BNIP3L: variants seen among roughly 807,000 people sequenced by gnomAD.
The protein encoded by BNIP3L is BCL2 interacting protein 3 like.
BNIP3L carries 10 observed loss-of-function variants against 25.5 expected under a neutral mutation model. That is an observed-to-expected ratio of 0.39 (90% CI 0.24 to 0.67). The LOEUF is 0.67. Ranked by LOEUF, BNIP3L falls within the 30% of genes least tolerant of loss-of-function variation. BNIP3L has a pLI of 0.45. For missense variants in BNIP3L, 215 were observed against 270.9 expected, an observed-to-expected ratio of 0.79 and a Z score of 1.45; for synonymous variants, 113 against 101.2, an observed-to-expected ratio of 1.12 and a Z score of -0.70.
In BNIP3L at chr8:26,391,546, T is replaced by TGTA. The variant is rs1223611255; in HGVS notation, c.284+124_284+126dup. On this transcript the variant is annotated intron_variant, in intron 2 of 5. Transcript: ENST00000380629. ...TAGCAAAATATGCCTCCTGATATAT[T>TGTA]GTAGTATAATATATATTGCACAGAT... 1.2e-5 allele frequency: 10 copies of TGTA among 812,758 alleles called. No individual in the cohort carries two copies. The East Asian group carries it at 1.8e-4, about 15-fold the overall frequency. 50.3% of individuals were successfully genotyped at this position (812,758 alleles called of 1,614,324 possible).
chr8:26,391,192 C>A, intron 1 of BNIP3L, 51 bp from the exon 2 acceptor site: 1 of 1,477,830 alleles, frequency 6.8e-7, no homozygotes, highest in Non-Finnish European at 9.1e-7. Flanking sequence ...TCTGTGTGCA[C>A]ATGACAGATT....
chr8:26,388,247 A>G lies in BNIP3L; in HGVS notation c.101-2996A>G, dbSNP rs527859093. Among the ~76,000 whole-genome samples the G allele has an allele frequency of 8.5e-5, 13 of 152,316 alleles. No individual in the cohort carries two copies. The South Asian group carries it at 2.7e-3, about 32-fold the overall frequency. The stretch of plus-strand genomic sequence containing the variant: ...ATGGTTTTTCTATGATATAGAATAT[A>G]ATTGTAGTAGCTAAAACTTTCTTAG... On this transcript the variant is annotated intron_variant, in intron 1 of 5. Transcript: ENST00000380629.
intron 5 of BNIP3L, among the ~76,000 whole-genome samples, chr8:26,409,379 G>A (rs1281986142): frequency 6.6e-6 from 1 of 152,022 alleles, no homozygotes; most frequent in Non-Finnish European, 1.5e-5. Flanking sequence ...CAGAAGATGG[G>A]GTCATCCTTT....
Position 26,412,578 on chromosome 8 carries a change from A to G in BNIP3L, c.*2166A>G, listed in dbSNP as rs1438676593. On this transcript the variant is annotated 3_prime_UTR_variant, in exon 6 of 6. Transcript: ENST00000380629. ...TTATGGAAAATTACTTAAAACGTGAATACATCATCACAGTAGAATTTATTA... is the reference window on the plus strand; with the variant it reads ...TTATGGAAAATTACTTAAAACGTGAGTACATCATCACAGTAGAATTTATTA... 1.3e-5 allele frequency: 2 copies of G among 152,458 alleles called. No homozygotes were observed. The highest frequency in any genetic ancestry group is 2.9e-5 in the Non-Finnish European group (2 of 68,048). The allele number at this position is 152,458 out of a possible 1,614,324, so 9.4% of individuals were successfully genotyped here. A position where few individuals can be genotyped will look rare whatever the true frequency, so the allele number is the denominator to read the frequency against.
chr8:26,409,114 A>G (rs1806566773), intron 5 of BNIP3L, among the ~76,000 whole-genome samples: 1 of 151,842 alleles, frequency 6.6e-6, no homozygotes, highest in Admixed American at 6.6e-5. Flanking sequence ...TGGTAGGTTG[A>G]TTGGTGCTAA....
chr8:26,407,932 A>G, intron 3 of BNIP3L, 68 bp from the exon 4 acceptor site: 3 of 1,377,720 alleles, frequency 2.2e-6, no homozygotes, highest in Non-Finnish European at 2.0e-6. Flanking sequence ...TTTTCTGTCT[A>G]GATTTTTCTT....
At chr8:26,383,472 G>A (rs1329018712) in intron 1 of BNIP3L, 3 of 1,312,696 alleles carry the variant, frequency 2.3e-6, no homozygotes, top group South Asian at 1.7e-5. Context: ...GTCCGGGAGC[G>A]GCGCGGGTAG....
intron 2 of BNIP3L, among the ~76,000 whole-genome samples, chr8:26,394,058 C>A (rs1806174891): frequency 6.6e-6 from 1 of 152,092 alleles, no homozygotes; most frequent in African/African-American, 2.4e-5. Flanking sequence ...AGTTAAGCCC[C>A]AAATATTTTT....
In BNIP3L at chr8:26,408,054, G is replaced by A. The variant is rs1806539334; in HGVS notation, c.412G>A (p.Ala138Thr). 1 of 1,614,208 alleles carries A rather than the reference G, an allele frequency of 6.2e-7. No homozygotes were observed. The highest frequency in any genetic ancestry group is 8.5e-7 in the Non-Finnish European group (1 of 1,180,048). Reference protein sequence around the residue: ...EKEVEALKKSADWVSDWSSRP... With the variant: ...EKEVEALKKSTDWVSDWSSRP... The stretch of plus-strand genomic sequence containing the variant: ...GGAAGTCGAGGCTTTGAAGAAAAGT[G>A]CGGACTGGGTATCAGACTGGTCCAG... Residue 138 changes from alanine (A) to threonine (T), a missense_variant, in exon 4 of 6, where the codon GCG becomes ACG. Ala to Thr is a moderately conservative substitution (Grantham distance 58). Transcript: ENST00000380629.
chr8:26,386,329 C>T (rs1426092965), intron 1 of BNIP3L, among the ~76,000 whole-genome samples: 1 of 152,104 alleles, frequency 6.6e-6, no homozygotes, highest in Non-Finnish European at 1.5e-5. Flanking sequence ...GAATAAGATT[C>T]AATAGGGCCG....
chr8:26,408,096 C>G lies in BNIP3L; in HGVS notation c.454C>G (p.Pro152Ala). 4 of 1,614,096 alleles carry G rather than the reference C, an allele frequency of 2.5e-6. No homozygotes were observed. The highest frequency in any genetic ancestry group is 3.4e-6 in the Non-Finnish European group (4 of 1,179,956). Residue 152 changes from proline to alanine, a missense_variant, in exon 4 of 6, where the codon CCA becomes GCA. Physicochemically the swap from Pro to Ala is conservative, Grantham distance 27 (BLOSUM62 -1). Around this residue, in one of 4 missense-constraint regions of BNIP3L, gnomAD observed 63 missense variants for 98.8 expected, o/e 0.64. Coordinates refer to ENST00000380629, the MANE Select transcript of BNIP3L (RefSeq NM_004331.3). ...SDWSSRPENI[P>A]PKEFHFRHPK... ...CTGGTCCAGTAGACCCGAAAACATTCCACCCAAGTGAGTTCTCACATGTTT... is the reference window on the plus strand; with the variant it reads ...CTGGTCCAGTAGACCCGAAAACATTGCACCCAAGTGAGTTCTCACATGTTT...
chr8:26,390,648 C>A, intron 1 of BNIP3L: 1 of 779,816 alleles, frequency 1.3e-6, no homozygotes, highest in East Asian at 1.3e-4. Flanking sequence ...TTTAGTTAAC[C>A]AGCTGCATTA....
At chr8:26,400,291 C>G (rs1440613256) in intron 3 of BNIP3L, among the ~76,000 whole-genome samples, 1 of 149,352 alleles carries the variant, frequency 6.7e-6, no homozygotes, top group Non-Finnish European at 1.5e-5. Context: ...CTTTGACAAA[C>G]CTGAGAAAAA....
intron 2 of BNIP3L, among the ~76,000 whole-genome samples, chr8:26,393,628 A>G (rs1030239323): frequency 3.9e-5 from 6 of 151,984 alleles, no homozygotes; most frequent in Non-Finnish European, 7.4e-5. Flanking sequence ...AAGCAGAGCA[A>G]TGCTTCCATA....
In BNIP3L at chr8:26,411,960, T is replaced by C. The variant is rs754001562; in HGVS notation, c.*1548T>C. 1 of 152,626 alleles carries C rather than the reference T, an allele frequency of 6.6e-6. No homozygotes were observed. Among genetic ancestry groups the C allele is most frequent in the Non-Finnish European group, 1.5e-5 (1 of 68,024 alleles). The allele number at this position is 152,626 out of a possible 1,614,324, so 9.5% of individuals were successfully genotyped here. On this transcript the variant is annotated 3_prime_UTR_variant, in exon 6 of 6. Coordinates refer to ENST00000380629, the MANE Select transcript of BNIP3L (RefSeq NM_004331.3). ...TGCCAGTTTGCAGAAACTAACTCTT[T>C]TCTCACATCAACATTTGTAAAATTG...
chr8:26,408,038 G>C lies in BNIP3L; in HGVS notation c.396G>C (p.Glu132Asp). Residue 132 changes from glutamate to aspartate, a missense_variant, in exon 4 of 6, where the codon GAG becomes GAC. Around this residue, in one of 4 missense-constraint regions of BNIP3L, gnomAD observed 47 missense variants for 43.3 expected, o/e 1.09. Coordinates refer to ENST00000380629, the MANE Select transcript of BNIP3L (RefSeq NM_004331.3). ...TTGTAGAAGGAGAGAAGGAAGTCGA[G>C]GCTTTGAAGAAAAGTGCGGACTGGG... ...EEVVEGEKEV[E>D]ALKKSADWVS... 6.2e-7 allele frequency: 1 copy of C among 1,614,192 alleles called. No individual in the cohort carries two copies. The highest frequency in any genetic ancestry group is 8.5e-7 in the Non-Finnish European group (1 of 1,180,032).
At chr8:26,407,635 GA>G (rs1395499343) in intron 3 of BNIP3L, among the ~76,000 whole-genome samples, 1 of 151,980 alleles carries the variant, frequency 6.6e-6, no homozygotes, top group Non-Finnish European at 1.5e-5. Flanking sequence ...GCCTAATTAC[GA>G]AAATTTTAAG....
intron 2 of BNIP3L, among the ~76,000 whole-genome samples, chr8:26,392,918 T>C (rs1806147906): frequency 6.6e-6 from 1 of 152,110 alleles, no homozygotes; most frequent in East Asian, 1.9e-4. Flanking sequence ...TCTGTTCATC[T>C]TACTTCATTT....
chr8:26,383,164 C>T lies in BNIP3L; in HGVS notation c.34C>T (p.Leu12=), dbSNP rs747423855. 73 of 1,612,484 alleles carry T rather than the reference C, an allele frequency of 4.5e-5. No homozygotes were observed. Among genetic ancestry groups the T allele is most frequent in the South Asian group, 6.6e-5 (6 of 91,052 alleles). ...SSHLVEPPPP[L]HNNNNNCEEN... ...CCACCTAGTCGAGCCGCCGCCGCCC[C>T]TGCACAACAACAACAACAACTGCGA... The change falls in exon 1 of 6, where the codon CTG becomes TTG. Residue 12 remains leucine (L), a synonymous_variant. Coordinates refer to ENST00000380629, the MANE Select transcript of BNIP3L (RefSeq NM_004331.3).
Sources: gnomAD v4.1 joint callset for allele counts (sites outside exome capture counted in the v4.1 genomes callset) on GRCh38, gnomAD v4.1.1 for gene constraint, gnomAD v4.1.1 regional missense constraint, MANE v1.5 for transcripts, NCBI Gene and HGNC (gene_info 2026-07-23, HGNC 2026-07-21) for gene names.